Variants in NFATC1 observed in about 807,000 individuals in gnomAD.
NFATC1 encodes nuclear factor of activated T-cells, cytoplasmic 1.
Under a neutral mutation model 76.0 loss-of-function variants are expected in NFATC1, and 22 were observed. That is an observed-to-expected ratio of 0.29 (90% CI 0.21 to 0.41). The LOEUF (loss-of-function observed/expected upper bound fraction) is 0.41, where lower values mean the gene tolerates loss of function less well. Ranked by LOEUF, NFATC1 falls within the 10% of genes least tolerant of loss-of-function variation. The probability of loss-of-function intolerance (pLI) is 1.00; values close to 1 mark genes in which losing one functional copy is unlikely to be tolerated. For missense variants in NFATC1, 1,357 were observed against 1,337.7 expected (o/e 1.01, Z -0.23); for synonymous variants, 704 against 613.1 (o/e 1.15, Z -2.19).
At chr18:79,436,553 A>C (rs1035101798) in intron 3 of NFATC1, among the ~76,000 whole-genome samples, 7 of 152,034 alleles carry the variant, frequency 4.6e-5, no homozygotes, top group African/African-American at 1.7e-4. Context: ...GCGTCCTCCC[A>C]CGCCCGCTGT....
At chr18:79,458,350 C>T (rs1282756647) in intron 6 of NFATC1, among the ~76,000 whole-genome samples, 5 of 152,086 alleles carry the variant, frequency 3.3e-5, no homozygotes, top group Non-Finnish European at 5.9e-5. Context: ...GGGCAGGAGA[C>T]GCCGTGGGGA....
intron 9 of NFATC1, among the ~76,000 whole-genome samples, chr18:79,513,113 G>GC (rs1393877622): frequency 2.6e-5 from 4 of 152,224 alleles, no homozygotes; most frequent in African/African-American, 9.6e-5. Flanking sequence ...AAGGAGCACT[G>GC]CCAGTATTTT....
chr18:79,486,850 C>T lies in NFATC1; in HGVS notation c.2695C>T (p.His899Tyr). The T allele has an allele frequency of 1.2e-6, 2 of 1,611,970 alleles. No homozygotes were observed. Among genetic ancestry groups the T allele is most frequent in the Non-Finnish European group, 1.7e-6 (2 of 1,179,584 alleles). ...CGGGCCACGGCTGCTGCCAGAGGTG[C>T]ATGAGGACGGTAGTCCTAATTTGGC... ...TAGPRLLPEV[H>Y]EDGSPNLAPI... is the part of the protein sequence containing the mutation. The change falls in exon 9 of 10, where the codon CAT becomes TAT. Residue 899 changes from histidine to tyrosine, a missense_variant. Transcript: ENST00000427363.
chr18:79,521,101 CTG>C (rs1176272300), intron 9 of NFATC1, among the ~76,000 whole-genome samples: 3 of 72,838 alleles, frequency 4.1e-5, no homozygotes, highest in Admixed American at 2.3e-4. Flanking sequence ...ATGTGTGTGT[CTG>C]TGTGTGTGTG....
Position 79,495,211 on chromosome 18 carries a change from C to T in NFATC1, c.2782+8274C>T, listed in dbSNP as rs201066976. ...GCAGGCTGTGAGGCCACAGTGCCTC[C>T]GTCCTTCCCTGAGGTGGGCACGGGA... On this transcript the variant is annotated intron_variant, in intron 9 of 9. Transcript: ENST00000427363. Among the ~76,000 whole-genome samples the T allele has an allele frequency of 5.8e-4, 89 of 152,370 alleles. 1 individual carries two copies. In the East Asian group the frequency reaches 0.015, roughly 25 times the overall value.
chr18:79,479,639 G>C (rs2089204205), intron 8 of NFATC1, among the ~76,000 whole-genome samples: 1 of 152,224 alleles, frequency 6.6e-6, no homozygotes, highest in Admixed American at 6.5e-5. Flanking sequence ...CTCTGTATTG[G>C]GAAGGCTGCA....
chr18:79,486,993 C>T, intron 9 of NFATC1, 56 bp downstream of exon 9: 3 of 1,521,890 alleles, frequency 2.0e-6, no homozygotes, highest in Non-Finnish European at 2.7e-6. Context: ...GGCGTGAGCT[C>T]ATGGAGGGGC....
At chr18:79,504,347 T>A (rs955035773) in intron 9 of NFATC1, among the ~76,000 whole-genome samples, 3 of 152,234 alleles carry the variant, frequency 2.0e-5, no homozygotes, top group Non-Finnish European at 2.9e-5. Context: ...GGGTTCTTAA[T>A]TGGCCTAATG....
chr18:79,406,321 A>C (rs1004635693), intron 1 of NFATC1, among the ~76,000 whole-genome samples: 1 of 152,160 alleles, frequency 6.6e-6, no homozygotes. Flanking sequence ...GCCCCCTTTG[A>C]GGTCTGGACA....
chr18:79,415,786 G>C (rs1176199024), intron 2 of NFATC1, among the ~76,000 whole-genome samples: 1 of 152,000 alleles, frequency 6.6e-6, no homozygotes, highest in Admixed American at 6.5e-5. Context: ...TCTTGGCCAG[G>C]CGCAGTGGCT....
intron 3 of NFATC1, among the ~76,000 whole-genome samples, chr18:79,447,998 G>A (rs984506324): frequency 1.3e-5 from 2 of 152,218 alleles, no homozygotes; most frequent in South Asian, 2.1e-4. Flanking sequence ...TCCCAGAGGC[G>A]TGAGTGGGGC....
chr18:79,467,937 A>G (rs2088601512), intron 8 of NFATC1: 2 of 1,071,224 alleles, frequency 1.9e-6, no homozygotes, highest in Non-Finnish European at 2.3e-6. Flanking sequence ...GCTTACGGTG[A>G]AAAGGCAAAT....
intron 2 of NFATC1, among the ~76,000 whole-genome samples, chr18:79,412,763 C>G (rs537798025): frequency 2.0e-5 from 3 of 152,364 alleles, no homozygotes; most frequent in Non-Finnish European, 4.4e-5. Context: ...AGCCCCATGG[C>G]TGATTCTGCC....
At chr18:79,420,020 C>T (rs2086017446) in intron 2 of NFATC1, among the ~76,000 whole-genome samples, 1 of 152,228 alleles carries the variant, frequency 6.6e-6, no homozygotes, top group Non-Finnish European at 1.5e-5. Context: ...GCTTAGTCGG[C>T]TTTGGGGAGA....
intron 2 of NFATC1, chr18:79,422,431 C>T (rs958594485): frequency 3.9e-5 from 6 of 151,902 alleles, no homozygotes; most frequent in African/African-American, 1.2e-4. Context: ...GGAACCTGTC[C>T]CTGGTGTGAA....
chr18:79,432,321 AGCCTGTGT>A (rs2086618630), intron 2 of NFATC1, among the ~76,000 whole-genome samples: 1 of 52,650 alleles, frequency 1.9e-5, no homozygotes, highest in Admixed American at 2.2e-4. Flanking sequence ...GCTCGGGGTG[AGCCTGTGT>A]GGTGAGGACA....
intron 6 of NFATC1, among the ~76,000 whole-genome samples, chr18:79,459,114 C>A (rs1235412174): frequency 6.6e-6 from 1 of 152,206 alleles, no homozygotes; most frequent in Non-Finnish European, 1.5e-5. Context: ...TGTCGGTTCC[C>A]CGCACTTTTA....
chr18:79,456,014 G>A (rs2087706473), intron 6 of NFATC1, among the ~76,000 whole-genome samples: 1 of 152,206 alleles, frequency 6.6e-6, no homozygotes, highest in African/African-American at 2.4e-5. Flanking sequence ...CAAAGGCCCG[G>A]GCCTTTCCAA....
intron 1 of NFATC1, among the ~76,000 whole-genome samples, chr18:79,399,739 G>C (rs2085120899): frequency 6.6e-6 from 1 of 152,046 alleles, no homozygotes; most frequent in Non-Finnish European, 1.5e-5. Flanking sequence ...CGCAGGAGAG[G>C]CCGGTGGGTG....
Sources: gnomAD v4.1 joint callset for allele counts (sites outside exome capture counted in the v4.1 genomes callset) on GRCh38, gnomAD v4.1.1 for gene constraint, MANE v1.5 for transcripts, NCBI Gene and HGNC (gene_info 2026-07-23, HGNC 2026-07-21) for gene names.